SMARCE1: variants seen among roughly 807,000 people sequenced by gnomAD.
SMARCE1 encodes SWI/SNF-related matrix-associated actin-dependent regulator of chromatin subfamily E member 1.
SMARCE1 carries 13 observed loss-of-function variants against 54.9 expected under a neutral mutation model. The observed-to-expected ratio is 0.24, with a 90% CI of 0.15 to 0.38. The LOEUF (loss-of-function observed/expected upper bound fraction) is 0.38, where lower values mean the gene tolerates loss of function less well. Ranked by LOEUF, SMARCE1 falls within the 10% of genes least tolerant of loss-of-function variation. The pLI, the probability that SMARCE1 is intolerant of heterozygous loss-of-function variation, is 1.00. For synonymous variants in SMARCE1, 151 were observed against 175.3 expected (o/e 0.86, Z 1.10); for missense variants, 295 against 523.8 (o/e 0.56, Z 4.26).
chr17:40,634,320 A>C (rs2037125271), intron 7 of SMARCE1: 1 of 152,340 alleles, frequency 6.6e-6, no homozygotes. Context: ...TCCTGTAGAG[A>C]TAAGGTCTTG....
chr17:40,629,478 T>C (rs1163578895), intron 10 of SMARCE1: 22 of 1,141,942 alleles, frequency 1.9e-5, no homozygotes, highest in Non-Finnish European at 2.4e-5. Context: ...TAGTCTGTAG[T>C]GCTATGGATT....
At chr17:40,634,545 C>T (rs965353557) in intron 7 of SMARCE1, 1 of 152,218 alleles carries the variant, frequency 6.6e-6, no homozygotes, top group African/African-American at 2.4e-5. Context: ...CCCAAGTATT[C>T]CTCTTTCTAA....
At position 40,632,092 on chromosome 17, in the gene SMARCE1, T is replaced by C. The variant is rs564806944; in HGVS notation, c.714+103A>G. 1.1e-4 allele frequency: 102 copies of C among 898,152 alleles called. No individual in the cohort carries two copies. In the East Asian group the frequency reaches 1.5e-3, roughly 13 times the overall value. 55.6% of individuals were successfully genotyped at this position (898,152 alleles called of 1,614,324 possible). On this transcript the variant is annotated intron_variant, in intron 8 of 10. Transcript: ENST00000348513. ...TTCTCCAAATCAGGAACAGGTTAGA[T>C]TGACATATTTAACAGGTAGATTTAG...
intron 8 of SMARCE1, 83 bp from the exon 9 acceptor site, chr17:40,631,776 G>T: frequency 1.3e-6 from 1 of 773,184 alleles, no homozygotes; most frequent in Non-Finnish European, 2.2e-6. Flanking sequence ...ATAATGTTTT[G>T]AACTTTAGAT....
chr17:40,637,607 G>GTT (rs2037159129), intron 4 of SMARCE1, 35 bp from the exon 5 acceptor site: 1 of 1,529,214 alleles, frequency 6.5e-7, no homozygotes, highest in African/African-American at 1.4e-5. Context: ...TTATTCAACT[G>GTT]TAAGGAGTTC....
chr17:40,643,080 T>G (rs1327482422), intron 3 of SMARCE1: 4 of 152,324 alleles, frequency 2.6e-5, no homozygotes, highest in African/African-American at 9.6e-5. Flanking sequence ...TTTAAATCAT[T>G]TTATATAATG....
intron 1 of SMARCE1, among the ~76,000 whole-genome samples, chr17:40,646,348 CTT>C (rs2037256915): frequency 1.3e-5 from 2 of 152,312 alleles, no homozygotes; most frequent in Admixed American, 1.3e-4. Flanking sequence ...TTCACATTCT[CTT>C]ATAATGGTAA....
chr17:40,642,496 A>G lies in SMARCE1; in HGVS notation c.115T>C (p.Tyr39His), dbSNP rs1418428626. The G allele has an allele frequency of 6.2e-7, 1 of 1,612,740 alleles. No homozygotes were observed. Reference sequence around the variant, plus strand: ...GTGCCCGGGTTCCCTCCCAGCCTGTAGTTGTTGTAGGCGAGATGACTGTAT... The same window carrying G: ...GTGCCCGGGTTCCCTCCCAGCCTGTGGTTGTTGTAGGCGAGATGACTGTAT... Reference protein sequence around the residue: ...NPYSHLAYNNYRLGGNPGTNS... With the variant: ...NPYSHLAYNNHRLGGNPGTNS... Residue 39 changes from tyrosine to histidine, a missense_variant, in exon 4 of 11, where the codon TAC becomes CAC. Tyr to His is a moderately conservative substitution (Grantham distance 83, BLOSUM62 2). Transcript: ENST00000348513. The surrounding 1 kb of genome is among the most constrained non-coding windows in gnomAD (Gnocchi z 4.6).
intron 8 of SMARCE1, chr17:40,631,958 GT>G (rs1394366741): frequency 1.3e-5 from 7 of 544,798 alleles, no homozygotes; most frequent in Non-Finnish European, 2.3e-5. Context: ...AAATTCTTAA[GT>G]TCACACGTAT....
At chr17:40,647,674 G>A (rs2037274817) in intron 1 of SMARCE1, 99 bp downstream of exon 1, 2 of 152,866 alleles carry the variant, frequency 1.3e-5, no homozygotes, top group South Asian at 4.1e-4. Context: ...CACGGCCAAG[G>A]CTGAACCCCA....
rs535570240 is a variant in SMARCE1, at chr17:40,645,168, TAG to T, written c.51+406_51+407del. The T allele has an allele frequency of 2.2e-4, 61 of 272,904 alleles. 1 individual carries two copies. In the South Asian group the frequency reaches 7.8e-3, roughly 35 times the overall value. 16.9% of individuals were successfully genotyped at this position (272,904 alleles called of 1,614,324 possible). Reference sequence around the variant, plus strand: ...GCTTTATTGTTTAATATGAAAATTTTAGAGAGAGACAAGAAAGGAGAGAAAAA... The same window carrying T: ...GCTTTATTGTTTAATATGAAAATTTTAGAGAGACAAGAAAGGAGAGAAAAA... On this transcript the variant is annotated intron_variant, in intron 3 of 10. Coordinates refer to ENST00000348513, the MANE Select transcript of SMARCE1 (RefSeq NM_003079.5).
At chr17:40,645,386 A>C (rs963439336) in intron 3 of SMARCE1, 190 bp downstream of exon 3, 1 of 481,562 alleles carries the variant, frequency 2.1e-6, no homozygotes, top group Non-Finnish European at 3.7e-6. Context: ...TGTTTCTTTA[A>C]ATGTTGGGGT....
At chr17:40,641,037 T>C (rs2037194433) in intron 4 of SMARCE1, 1 of 152,226 alleles carries the variant, frequency 6.6e-6, no homozygotes, top group Non-Finnish European at 1.5e-5. Flanking sequence ...ATAGTTATCA[T>C]TTCTATTCCA....
chr17:40,643,776 T>C (rs1339637743), intron 3 of SMARCE1: 1 of 152,202 alleles, frequency 6.6e-6, no homozygotes, highest in African/African-American at 2.4e-5. Flanking sequence ...AAGAAAGACA[T>C]TTAAGCAGAT....
chr17:40,643,767 AG>A (rs1227258284), intron 3 of SMARCE1: 1 of 152,246 alleles, frequency 6.6e-6, no homozygotes, highest in African/African-American at 2.4e-5. Context: ...AGTACCCAAA[AG>A]AAAGACATTT....
intron 7 of SMARCE1, chr17:40,634,222 T>C (rs967180878): frequency 6.6e-6 from 1 of 152,520 alleles, no homozygotes; most frequent in Non-Finnish European, 1.5e-5. Flanking sequence ...CTTGAACTCC[T>C]GGGCTCAACT....
intron 9 of SMARCE1, 70 bp from the exon 10 acceptor site, chr17:40,630,994 A>G (rs2037088674): frequency 8.7e-6 from 12 of 1,376,284 alleles, no homozygotes; most frequent in Non-Finnish European, 1.2e-5. Flanking sequence ...TATTCTTTCA[A>G]AAGTTGGTTT....
intron 7 of SMARCE1, chr17:40,633,893 T>G (rs902539527): frequency 5.9e-5 from 9 of 152,248 alleles, no homozygotes; most frequent in African/African-American, 2.2e-4. Flanking sequence ...CTGTTTTTGT[T>G]GTTAGCTTTT....
At chr17:40,631,304 T>C (rs1567845496) in intron 9 of SMARCE1, 2 of 326,178 alleles carry the variant, frequency 6.1e-6, no homozygotes, top group East Asian at 1.1e-4. Context: ...TAAATCACAA[T>C]AAAATGAAAG....
Sources: allele counts gnomAD v4.1 joint callset (sites outside exome capture counted in the v4.1 genomes callset), GRCh38; gene constraint gnomAD v4.1.1; non-coding constraint Gnocchi (gnomAD v3.1); transcripts MANE v1.5; gene names NCBI Gene and HGNC (gene_info 2026-07-23, HGNC 2026-07-21).